The following NBAS variants were observed in gnomAD, a reference collection of about 807,000 sequenced individuals.
NBAS encodes the protein NBAS subunit of NRZ tethering complex.
In NBAS, 219 loss-of-function variants were observed where a neutral mutation model predicts 302.5. The observed-to-expected ratio is 0.72, with a 90% CI of 0.65 to 0.81. NBAS has a LOEUF of 0.81. Among genes scored for constraint, NBAS ranks in the 30% least tolerant of loss-of-function variants. The pLI, the probability that NBAS is intolerant of heterozygous loss-of-function variation, is 0.00. For synonymous variants in NBAS, 1,118 were observed against 1,021.6 expected (o/e 1.09, Z -1.80); for missense variants, 2,932 against 2,841.6 (o/e 1.03, Z -0.72).
chr2:15,115,260 A>C, the NBAS span, among the ~76,000 whole-genome samples: 3,988 of 152,302 alleles, frequency 0.026, 137 homozygotes, highest in East Asian at 0.089. Context: ...GCATGCCATC[A>C]CAAAATTGTT....
chr2:15,157,277 C>A, the NBAS span, among the ~76,000 whole-genome samples: 2 of 152,262 alleles, frequency 1.3e-5, no homozygotes, highest in South Asian at 4.1e-4. Context: ...AGAGTGTGTT[C>A]CCTAGGACCC....
intron 38 of NBAS, among the ~76,000 whole-genome samples, chr2:15,313,826 T>TA (rs1671385126): frequency 6.6e-6 from 1 of 152,234 alleles, no homozygotes; most frequent in African/African-American, 2.4e-5. Flanking sequence ...TTTGACCAGT[T>TA]AAAGACTTCA....
At chr2:15,308,118 T>C (rs568010721) in intron 40 of NBAS, 98 bp downstream of exon 40, 1,436 of 1,553,138 alleles carry the variant, frequency 9.2e-4, no homozygotes, top group Non-Finnish European at 1.2e-3. Context: ...TCTGGATACA[T>C]ATGTAATCAG....
At chr2:14,809,420 G>A in the NBAS span, among the ~76,000 whole-genome samples, 1 of 152,214 alleles carries the variant, frequency 6.6e-6, no homozygotes, top group Non-Finnish European at 1.5e-5. Context: ...GCTAACAGGG[G>A]TCAAGGTACA....
At chr2:14,803,790 C>T in the NBAS span, among the ~76,000 whole-genome samples, 5 of 152,140 alleles carry the variant, frequency 3.3e-5, no homozygotes, top group Non-Finnish European at 5.9e-5. Context: ...GCTGGGACTA[C>T]AGGCACGTGC....
chr2:15,255,721 T>G (rs973462887), intron 44 of NBAS, among the ~76,000 whole-genome samples: 2 of 152,196 alleles, frequency 1.3e-5, no homozygotes, highest in Non-Finnish European at 1.5e-5. Flanking sequence ...AGTTAATTTT[T>G]GTATTTGGTT....
At chr2:15,350,987 T>C (rs973579040) in intron 35 of NBAS, among the ~76,000 whole-genome samples, 4 of 152,232 alleles carry the variant, frequency 2.6e-5, no homozygotes, top group Non-Finnish European at 5.9e-5. Context: ...CAGTGCTACA[T>C]ATATGCCTGA....
At chr2:14,951,359 A>G in the NBAS span, among the ~76,000 whole-genome samples, 16 of 152,148 alleles carry the variant, frequency 1.1e-4, no homozygotes. Context: ...TTCTATCCCT[A>G]CCCTTCCCAT....
chr2:14,783,030 G>A, the NBAS span, among the ~76,000 whole-genome samples: 3 of 152,138 alleles, frequency 2.0e-5, no homozygotes, highest in Admixed American at 2.0e-4. Context: ...CCCAGATGAT[G>A]AAAAAATCTG....
At chr2:14,843,831 A>G in the NBAS span, among the ~76,000 whole-genome samples, 1 of 152,188 alleles carries the variant, frequency 6.6e-6, no homozygotes, top group Non-Finnish European at 1.5e-5. Flanking sequence ...AAGCAAAACC[A>G]TACTGAACTC....
chr2:15,421,605 C>T (rs571499412), intron 23 of NBAS, among the ~76,000 whole-genome samples: 5 of 151,508 alleles, frequency 3.3e-5, no homozygotes, highest in Non-Finnish European at 4.4e-5. Flanking sequence ...AACATCAATA[C>T]CTAACATGAA....
the NBAS span, among the ~76,000 whole-genome samples, chr2:14,896,106 C>G: frequency 2.0e-5 from 3 of 151,918 alleles, no homozygotes. Flanking sequence ...AAAATTAATC[C>G]GGGAGAAGAG....
intron 9 of NBAS, 55 bp from the exon 10 acceptor site, chr2:15,511,405 A>G: frequency 1.3e-6 from 2 of 1,522,522 alleles, no homozygotes; most frequent in South Asian, 1.1e-5. Flanking sequence ...AATAAGAGCA[A>G]AACAAAGAGA....
chr2:14,991,068 G>A, the NBAS span, among the ~76,000 whole-genome samples: 1 of 152,086 alleles, frequency 6.6e-6, no homozygotes, highest in Admixed American at 6.5e-5. Flanking sequence ...CCACAATCTA[G>A]AGCTTGAGAA....
At chr2:15,074,442 G>A in the NBAS span, among the ~76,000 whole-genome samples, 1 of 150,730 alleles carries the variant, frequency 6.6e-6, no homozygotes, top group African/African-American at 2.4e-5. Context: ...AGGAAGGATG[G>A]GAGGGAGGAA....
chr2:15,424,707 A>G (rs1007031704), intron 22 of NBAS, among the ~76,000 whole-genome samples: 2 of 152,166 alleles, frequency 1.3e-5, no homozygotes, highest in African/African-American at 4.8e-5. Flanking sequence ...GGCATAATAC[A>G]TCAAAACGGC....
chr2:15,034,252 G>GAAAGAAAGAAAGAAAGAAA, the NBAS span, among the ~76,000 whole-genome samples: 1 of 94,236 alleles, frequency 1.1e-5, no homozygotes, highest in Non-Finnish European at 2.2e-5. Flanking sequence ...AAGAAAGAAA[G>GAAAGAAAGAAAGAAAGAAA]AAAGAAAGAA....
At chr2:14,917,596 G>C in the NBAS span, among the ~76,000 whole-genome samples, 24 of 152,362 alleles carry the variant, frequency 1.6e-4, no homozygotes, top group Admixed American at 5.2e-4. Context: ...GGTCACCTTA[G>C]AGTCTGCCTG....
At chr2:14,782,253 C>A in the NBAS span, among the ~76,000 whole-genome samples, 1 of 152,038 alleles carries the variant, frequency 6.6e-6, no homozygotes. Context: ...TTAATTAGAA[C>A]TTGTTCTTAA....
Sources: allele counts gnomAD v4.1 joint callset (sites outside exome capture counted in the v4.1 genomes callset), GRCh38; gene constraint gnomAD v4.1.1; transcripts MANE v1.5; gene names NCBI Gene and HGNC (gene_info 2026-07-23, HGNC 2026-07-21).